The following CUX2 variants were observed in gnomAD, a reference collection of about 807,000 sequenced individuals.
The protein encoded by CUX2 is cut like homeobox 2.
In CUX2, 40 loss-of-function variants were observed where a neutral mutation model predicts 144.8. The observed-to-expected ratio is 0.28, with a 90% CI of 0.21 to 0.36. CUX2 has a LOEUF of 0.36. Among genes scored for constraint, CUX2 ranks in the 10% least tolerant of loss-of-function variants. The pLI is 1.00. For missense variants in CUX2, 1,615 were observed against 1,994.0 expected (o/e 0.81, Z 3.62); for synonymous variants, 827 against 875.6 (o/e 0.94, Z 0.98).
Position 111,311,590 on chromosome 12 carries a change from C to CT in CUX2, c.1901-507dup, listed in dbSNP as rs1391539963. ...AGACATAAGCCACTGTACCCTATTT[C>CT]TTTATTATTATTATTTTTTTTTTTT... On this transcript the variant is annotated intron_variant, in intron 15 of 21. Transcript: ENST00000261726. Among the ~76,000 whole-genome samples the CT allele has an allele frequency of 2.2e-3, 268 of 124,640 alleles. 11 individuals carry two copies. The East Asian group carries it at 0.074, about 34-fold the overall frequency. The allele number at this position is 124,640 out of a possible 152,430, so 81.8% of individuals were successfully genotyped here. A position where few individuals can be genotyped will look rare whatever the true frequency, so the allele number is the denominator to read the frequency against.
Position 111,320,355 on chromosome 12 carries a change from C to A in CUX2, c.2346C>A (p.Ala782=). Residue 782 remains alanine (A), a synonymous_variant, in exon 17 of 22, where the codon GCC becomes GCA. Coordinates refer to ENST00000261726, the MANE Select transcript of CUX2 (RefSeq NM_015267.4). This position sits in a 1 kb window ranked among gnomAD's most constrained non-coding sequence, Gnocchi z 8.1. ...IRKVKSEIGD[A]GYFDHHWASD... is the part of the protein sequence containing the mutation. ...AGGTCAAGTCCGAGATCGGCGACGCCGGCTACTTCGACCACCACTGGGCCT... is the reference window on the plus strand; with the variant it reads ...AGGTCAAGTCCGAGATCGGCGACGCAGGCTACTTCGACCACCACTGGGCCT... 6.3e-7 allele frequency: 1 copy of A among 1,598,162 alleles called. No individual in the cohort carries two copies.
intron 16 of CUX2, among the ~76,000 whole-genome samples, chr12:111,318,496 A>G (rs1479430119): frequency 2.7e-5 from 4 of 150,298 alleles, no homozygotes; most frequent in African/African-American, 9.8e-5. Flanking sequence ...CAGGAGAACC[A>G]CTTGAGCCCA....
At chr12:111,314,853 A>G (rs1308862075) in intron 16 of CUX2, among the ~76,000 whole-genome samples, 1 of 152,012 alleles carries the variant, frequency 6.6e-6, no homozygotes, top group Non-Finnish European at 1.5e-5. Flanking sequence ...AAAAAAAATA[A>G]TAGAAAAAGA....
At chr12:111,242,169 G>T (rs1658266710) in intron 3 of CUX2, among the ~76,000 whole-genome samples, 1 of 152,206 alleles carries the variant, frequency 6.6e-6, no homozygotes, top group Non-Finnish European at 1.5e-5. Context: ...TTGACACTGG[G>T]CCAAGCCCAA....
intron 1 of CUX2, among the ~76,000 whole-genome samples, chr12:111,173,366 C>T (rs965650554): frequency 2.6e-5 from 4 of 152,198 alleles, no homozygotes; most frequent in Non-Finnish European, 4.4e-5. Flanking sequence ...TGCCAGGGGG[C>T]ACTTTCTTTA....
chr12:111,241,107 G>T (rs1882997483), intron 3 of CUX2, among the ~76,000 whole-genome samples: 1 of 152,204 alleles, frequency 6.6e-6, no homozygotes, highest in African/African-American at 2.4e-5. Flanking sequence ...GCCGCATCTG[G>T]TGAGGGCCAC....
chr12:111,344,873 A>G (rs1460404437), intron 21 of CUX2, among the ~76,000 whole-genome samples: 1 of 152,220 alleles, frequency 6.6e-6, no homozygotes, highest in Non-Finnish European at 1.5e-5. Context: ...AGACTAGTGT[A>G]TCATAATGAG....
intron 1 of CUX2, among the ~76,000 whole-genome samples, chr12:111,142,553 A>G (rs1876397771): frequency 1.3e-5 from 2 of 151,392 alleles, no homozygotes; most frequent in South Asian, 2.1e-4. Flanking sequence ...AAAAACAGAA[A>G]TGGGCTTGTG....
intron 16 of CUX2, among the ~76,000 whole-genome samples, chr12:111,315,983 G>A (rs1887170181): frequency 6.6e-6 from 1 of 152,184 alleles, no homozygotes; most frequent in African/African-American, 2.4e-5. Context: ...GGGAATACAT[G>A]AGAATATTTC....
chr12:111,312,282 C>A lies in CUX2; in HGVS notation c.2002+81C>A. The A allele has an allele frequency of 1.6e-6, 2 of 1,286,526 alleles. No homozygotes were observed. The highest frequency in any genetic ancestry group is 1.1e-6 in the Non-Finnish European group (1 of 918,562). The allele number at this position is 1,286,526 out of a possible 1,614,324, so 79.7% of individuals were successfully genotyped here. A position where few individuals can be genotyped will look rare whatever the true frequency, so the allele number is the denominator to read the frequency against. On this transcript the variant is annotated intron_variant, in intron 16 of 21. Transcript: ENST00000261726. This position sits in a 1 kb window ranked among gnomAD's most constrained non-coding sequence, Gnocchi z 4.3. ...GAGATGAGGCTTCGTCTACCTTTGTCCACCCCAGAGGGAATCCAAGGTGGA... is the reference window on the plus strand; with the variant it reads ...GAGATGAGGCTTCGTCTACCTTTGTACACCCCAGAGGGAATCCAAGGTGGA...
chr12:111,341,155 A>G (rs1888557190), intron 20 of CUX2, among the ~76,000 whole-genome samples: 1 of 152,180 alleles, frequency 6.6e-6, no homozygotes, highest in Admixed American at 6.5e-5. Context: ...TGAACCAGGC[A>G]TGGTGGCGTG....
chr12:111,272,992 G>C (rs1884702130), intron 4 of CUX2, among the ~76,000 whole-genome samples: 1 of 152,184 alleles, frequency 6.6e-6, no homozygotes, highest in Non-Finnish European at 1.5e-5. Context: ...AGGCATTCGA[G>C]CCGTGGCGTC....
intron 18 of CUX2, among the ~76,000 whole-genome samples, chr12:111,323,224 C>A (rs904009063): frequency 1.3e-5 from 2 of 152,228 alleles, no homozygotes; most frequent in African/African-American, 4.8e-5. Context: ...GACATCAGAC[C>A]TGCCCACTGA....
intron 1 of CUX2, among the ~76,000 whole-genome samples, chr12:111,128,154 C>T (rs906334701): frequency 3.9e-5 from 6 of 152,210 alleles, no homozygotes; most frequent in African/African-American, 1.2e-4. Flanking sequence ...CCCTGACCAT[C>T]GAACCAAACC....
rs185160483 is a variant in CUX2, at chr12:111,293,221, T to C, written c.437-225T>C. Reference sequence around the variant, plus strand: ...TATAATAAAGCAGGCCGCGGAGGCATGAGCAGGCAAAAGAAGGTCTGCGTG... The same window carrying C: ...TATAATAAAGCAGGCCGCGGAGGCACGAGCAGGCAAAAGAAGGTCTGCGTG... On this transcript the variant is annotated intron_variant, in intron 5 of 21. Transcript: ENST00000261726. This position sits in a 1 kb window ranked among gnomAD's most constrained non-coding sequence, Gnocchi z 4.5. Among the ~76,000 whole-genome samples, 2 of 152,352 alleles carry C rather than the reference T, an allele frequency of 1.3e-5. No homozygotes were observed. Among genetic ancestry groups the C allele is most frequent in the East Asian group, 1.9e-4 (1 of 5,190 alleles).
At chr12:111,306,817 G>A (rs545328138) in intron 10 of CUX2, 104 bp from the exon 11 acceptor site, 2 of 922,388 alleles carry the variant, frequency 2.2e-6, no homozygotes, top group Non-Finnish European at 3.3e-6. Context: ...CCATCATCCA[G>A]ATCAACAAAT....
chr12:111,299,077 C>T (rs1369780126), intron 9 of CUX2, among the ~76,000 whole-genome samples: 1 of 152,214 alleles, frequency 6.6e-6, no homozygotes, highest in Non-Finnish European at 1.5e-5. Context: ...GGGCTCCAGC[C>T]CGGAGTCTTG....
chr12:111,254,709 A>C (rs1883725394), intron 3 of CUX2, among the ~76,000 whole-genome samples: 2 of 152,248 alleles, frequency 1.3e-5, no homozygotes, highest in African/African-American at 4.8e-5. Flanking sequence ...AAAATGAATT[A>C]GTGACTTACC....
chr12:111,101,380 G>T (rs190276163), intron 1 of CUX2, among the ~76,000 whole-genome samples: 78 of 152,266 alleles, frequency 5.1e-4, no homozygotes, highest in African/African-American at 1.9e-3. Context: ...CCCTACAGCC[G>T]CTTCTCCAGG....
Sources: gnomAD v4.1 joint callset for allele counts (sites outside exome capture counted in the v4.1 genomes callset) on GRCh38, gnomAD v4.1.1 for gene constraint, Gnocchi (gnomAD v3.1) non-coding constraint, MANE v1.5 for transcripts, NCBI Gene and HGNC (gene_info 2026-07-23, HGNC 2026-07-21) for gene names.